The following KIAA1549 variants were observed in gnomAD, a reference collection of about 807,000 sequenced individuals.
KIAA1549 encodes the protein KIAA1549.
KIAA1549 carries 70 observed loss-of-function variants against 156.4 expected under a neutral mutation model. The ratio of observed to expected loss-of-function variants is 0.45; its 90% CI spans 0.37 to 0.55. The LOEUF (loss-of-function observed/expected upper bound fraction) is 0.55. Among genes scored for constraint, KIAA1549 ranks in the 20% least tolerant of loss-of-function variants. The pLI is 0.00. For missense variants in KIAA1549, 2,428 were observed against 2,540.9 expected (o/e 0.96, Z 0.96); for synonymous variants, 1,103 against 1,066.4 (o/e 1.03, Z -0.67).
intron 1 of KIAA1549, among the ~76,000 whole-genome samples, chr7:138,948,656 G>A (rs1184433341): frequency 6.6e-6 from 1 of 150,902 alleles, no homozygotes; most frequent in Non-Finnish European, 1.5e-5. Flanking sequence ...TGACAGTGCA[G>A]TGGTTTATGG....
chr7:138,884,451 T>C (rs560951253), intron 10 of KIAA1549, among the ~76,000 whole-genome samples: 35 of 152,196 alleles, frequency 2.3e-4, no homozygotes, highest in African/African-American at 7.7e-4. Context: ...CCTTCCCTTG[T>C]AGAGTTTAGG....
intron 1 of KIAA1549, among the ~76,000 whole-genome samples, chr7:138,929,168 T>C (rs1812804036): frequency 6.6e-6 from 1 of 152,232 alleles, no homozygotes. Flanking sequence ...TTGATAGCAT[T>C]TGGCCCACAG....
At position 138,918,741 on chromosome 7, in the gene KIAA1549, G is replaced by A. The variant is rs79934303; in HGVS notation, c.885C>T (p.Asp295=). The change falls in exon 2 of 20, where the codon GAC becomes GAT. Residue 295 remains aspartate (D), a synonymous_variant. Coordinates refer to ENST00000422774, the MANE Select transcript of KIAA1549 (RefSeq NM_001164665.2). This position sits in a 1 kb window ranked among gnomAD's most constrained non-coding sequence, Gnocchi z 4.2. The part of the protein sequence containing the change: ...SRSLMPQPLG[D]GITIPLPSLG... ...AGGAGGGCAACGGTATAGTAATGCCGTCGCCTAACGGCTGTGGCATTAAAG... is the reference window on the plus strand; with the variant it reads ...AGGAGGGCAACGGTATAGTAATGCCATCGCCTAACGGCTGTGGCATTAAAG... The A allele has an allele frequency of 2.9e-4, 469 of 1,613,802 alleles. 2 individuals carry two copies. In the African/African-American group the frequency reaches 4.9e-3, roughly 17 times the overall value.
chr7:138,940,996 C>T lies in KIAA1549; in HGVS notation c.188-21558G>A, dbSNP rs185058545. Among the ~76,000 whole-genome samples the T allele has an allele frequency of 5.9e-3, 891 of 152,066 alleles. 8 individuals are homozygous for T. Among genetic ancestry groups the T allele is most frequent in the South Asian group, 0.023 (110 of 4,814 alleles). ...TTCACTCTGACGGTAGTTTCTTTTG[C>T]TGTGCAGAAGCTCTTTAGTTTAATT... On this transcript the variant is annotated intron_variant, in intron 1 of 19. Coordinates refer to ENST00000422774, the MANE Select transcript of KIAA1549 (RefSeq NM_001164665.2).
chr7:138,833,420 T>G lies in KIAA1549; in HGVS notation c.*4486A>C. On this transcript the variant is annotated 3_prime_UTR_variant, in exon 20 of 20. Coordinates refer to ENST00000422774, the MANE Select transcript of KIAA1549 (RefSeq NM_001164665.2). Reference sequence around the variant, plus strand: ...TGTGCGAAAGAAGGAACGCTGAACCTGTCCACGGGAAACGGGAGACTCCTA... The same window carrying G: ...TGTGCGAAAGAAGGAACGCTGAACCGGTCCACGGGAAACGGGAGACTCCTA... The G allele has an allele frequency of 4.3e-6, 1 of 232,652 alleles. No individual in the cohort carries two copies. The highest frequency in any genetic ancestry group is 6.1e-5 in the East Asian group (1 of 16,476). The allele number at this position is 232,652 out of a possible 1,614,324, so 14.4% of individuals were successfully genotyped here.
chr7:138,942,536 G>A (rs1377797876), intron 1 of KIAA1549, among the ~76,000 whole-genome samples: 2 of 151,730 alleles, frequency 1.3e-5, no homozygotes, highest in East Asian at 1.9e-4. Context: ...AAAGAGGAGA[G>A]GTAACAGAAG....
chr7:138,954,086 G>C (rs1476181992), intron 1 of KIAA1549, among the ~76,000 whole-genome samples: 1 of 152,140 alleles, frequency 6.6e-6, no homozygotes, highest in African/African-American at 2.4e-5. Context: ...TAAGGAGAAA[G>C]GATATACGCA....
At chr7:138,967,742 T>G (rs1814074886) in intron 1 of KIAA1549, among the ~76,000 whole-genome samples, 2 of 151,702 alleles carry the variant, frequency 1.3e-5, no homozygotes, top group Admixed American at 1.3e-4. Context: ...TGAGGTAAGG[T>G]GAAGCAGCCC....
At chr7:138,893,232 G>A (rs1417431940) in intron 10 of KIAA1549, among the ~76,000 whole-genome samples, 1 of 152,090 alleles carries the variant, frequency 6.6e-6, no homozygotes, top group East Asian at 1.9e-4. Flanking sequence ...AGGAAAGAGG[G>A]GTTACTTAAA....
At chr7:138,932,832 C>T (rs1203092430) in intron 1 of KIAA1549, among the ~76,000 whole-genome samples, 2 of 152,192 alleles carry the variant, frequency 1.3e-5, no homozygotes, top group Non-Finnish European at 2.9e-5. Context: ...TTCATGCACT[C>T]ATTCAAGTTT....
intron 4 of KIAA1549, among the ~76,000 whole-genome samples, chr7:138,910,335 C>G (rs1437403652): frequency 6.6e-6 from 1 of 151,624 alleles, no homozygotes; most frequent in Non-Finnish European, 1.5e-5. Flanking sequence ...CCCAGGAGTT[C>G]AACACCAGTC....
chr7:138,920,247 T>TCTCACCCCCGCC (rs1812530263), intron 1 of KIAA1549, among the ~76,000 whole-genome samples: 4 of 149,128 alleles, frequency 2.7e-5, no homozygotes, highest in African/African-American at 5.0e-5. Flanking sequence ...GGATGGCTCC[T>TCTCACCCCCGCC]TCTGGCCCTT....
intron 10 of KIAA1549, among the ~76,000 whole-genome samples, chr7:138,882,358 G>A (rs1486837187): frequency 6.6e-6 from 1 of 152,238 alleles, no homozygotes; most frequent in African/African-American, 2.4e-5. Context: ...TGAATTTCAC[G>A]TGAAGAGTGA....
intron 1 of KIAA1549, among the ~76,000 whole-genome samples, chr7:138,948,086 T>C (rs779912889): frequency 6.6e-6 from 1 of 152,054 alleles, no homozygotes; most frequent in Non-Finnish European, 1.5e-5. Context: ...TCTTATCACA[T>C]CTGATTAATC....
intron 16 of KIAA1549, among the ~76,000 whole-genome samples, chr7:138,855,984 C>T (rs1810376313): frequency 6.6e-6 from 1 of 151,886 alleles, no homozygotes; most frequent in African/African-American, 2.4e-5. Flanking sequence ...TCCTCCTTCC[C>T]ATTAAATTAG....
At position 138,839,823 on chromosome 7, in the gene KIAA1549, T is replaced by C. The variant is rs547597776; in HGVS notation, c.5598+310A>G. Among the ~76,000 whole-genome samples the C allele has an allele frequency of 9.1e-3, 1,210 of 132,492 alleles. 10 individuals carry two copies. The highest frequency in any genetic ancestry group is 0.015 in the Non-Finnish European group (935 of 63,786). The allele number at this position is 132,492 out of a possible 152,430, so 86.9% of individuals were successfully genotyped here. On this transcript the variant is annotated intron_variant, in intron 19 of 19. Transcript: ENST00000422774. ...TTTTTTTTTTGAGACAGTCTCACTC[T>C]GTCACCCAGGCTGGAGTGCAGTGGC...
chr7:138,910,893 A>G (rs1812151317), intron 4 of KIAA1549, among the ~76,000 whole-genome samples: 1 of 151,786 alleles, frequency 6.6e-6, no homozygotes, highest in Non-Finnish European at 1.5e-5. Context: ...TTAGCCACGC[A>G]TGGTGGTATA....
At chr7:138,935,704 G>T (rs1401325465) in intron 1 of KIAA1549, among the ~76,000 whole-genome samples, 2 of 152,172 alleles carry the variant, frequency 1.3e-5, no homozygotes, top group Non-Finnish European at 1.5e-5. Context: ...CGTCCAAGCT[G>T]CCAGGAGACA....
At chr7:138,885,237 A>AAAG (rs1469658629) in intron 10 of KIAA1549, among the ~76,000 whole-genome samples, 1 of 152,180 alleles carries the variant, frequency 6.6e-6, no homozygotes, top group Non-Finnish European at 1.5e-5. Flanking sequence ...CTGTTTCAAA[A>AAAG]AATAATAATA....
Sources: allele counts gnomAD v4.1 joint callset (sites outside exome capture counted in the v4.1 genomes callset), GRCh38; gene constraint gnomAD v4.1.1; non-coding constraint Gnocchi (gnomAD v3.1); transcripts MANE v1.5; gene names NCBI Gene and HGNC (gene_info 2026-07-23, HGNC 2026-07-21).